The following CKAP2L variants were observed in gnomAD, a reference collection of about 807,000 sequenced individuals.
CKAP2L encodes the protein cytoskeleton associated protein 2L, also known as cytoskeleton-associated protein 2-like.
In CKAP2L, 42 loss-of-function variants were observed where a neutral mutation model predicts 65.7. The observed-to-expected ratio is 0.64, with a 90% CI of 0.50 to 0.83. The LOEUF is 0.83. Among genes scored for constraint, CKAP2L ranks in the 40% least tolerant of loss-of-function variants. The probability of loss-of-function intolerance (pLI) is 0.00; values close to 1 mark genes in which losing one functional copy is unlikely to be tolerated. For missense variants in CKAP2L, 908 were observed against 871.0 expected, an observed-to-expected ratio of 1.04 and a Z score of -0.53; for synonymous variants, 325 against 313.5, an observed-to-expected ratio of 1.04 and a Z score of -0.39.
intron 5 of CKAP2L, among the ~76,000 whole-genome samples, chr2:112,750,040 A>G (rs1176695484): frequency 2.0e-5 from 3 of 151,982 alleles, no homozygotes; most frequent in Admixed American, 2.0e-4. Flanking sequence ...CTTTTCCTCA[A>G]AATCTGAGCC....
rs1680536422 is a variant in CKAP2L, at chr2:112,756,400, G to A, written c.971C>T (p.Thr324Ile). ...TTTGGTGTGCTTCACTCTCTGTTCA[G>A]TAACAGGGTATGACCGTATCTTAGT... ...NETKIRSYPV[T>I]EQRVKHTKPR... The change falls in exon 4 of 9, where the codon ACT becomes ATT. Residue 324 changes from threonine (T) to isoleucine (I), a missense_variant. Transcript: ENST00000302450. The A allele has an allele frequency of 6.2e-7, 1 of 1,614,092 alleles. No homozygotes were observed. Among genetic ancestry groups the A allele is most frequent in the Non-Finnish European group, 8.5e-7 (1 of 1,179,988 alleles).
rs993407327 is a variant in CKAP2L, at chr2:112,736,492, T to C, written c.*2331A>G. 2.0e-5 allele frequency: 3 copies of C among 152,228 alleles called. No homozygotes were observed. Among genetic ancestry groups the C allele is most frequent in the Admixed American group, 6.5e-5 (1 of 15,272 alleles). The allele number at this position is 152,228 out of a possible 1,614,324, so 9.4% of individuals were successfully genotyped here. ...TTTTTTGTGATAATAGCAGCTAAAA[T>C]CTACTTATTTAACAAAAATCCCTAA... On this transcript the variant is annotated 3_prime_UTR_variant, in exon 9 of 9. Coordinates refer to ENST00000302450, the MANE Select transcript of CKAP2L (RefSeq NM_152515.5).
At chr2:112,741,750 TC>T (rs776913175) in intron 7 of CKAP2L, among the ~76,000 whole-genome samples, 16 of 152,122 alleles carry the variant, frequency 1.1e-4, no homozygotes, top group Non-Finnish European at 1.9e-4. Context: ...ACTTGATTGT[TC>T]CCCAGTTAAA....
chr2:112,763,709 C>T (rs1422622704), intron 1 of CKAP2L: 1 of 152,196 alleles, frequency 6.6e-6, no homozygotes. Flanking sequence ...CTCTTAACCT[C>T]ATCTGAACGG....
At chr2:112,761,229 G>A (rs1680711204) in intron 2 of CKAP2L, among the ~76,000 whole-genome samples, 1 of 152,020 alleles carries the variant, frequency 6.6e-6, no homozygotes, top group Admixed American at 6.5e-5. Flanking sequence ...GGGAGGCCAA[G>A]GCAGGCGGAT....
Position 112,740,884 on chromosome 2 carries a change from GGT to G in CKAP2L, c.1944_1945del (p.Arg650AsnfsTer8). ...ATGCTGTTCTGCCTTGGCTATTCGGGGTGTCGCCGTGACTTGTTCCCTCTCTT... is the reference window on the plus strand; with the variant it reads ...ATGCTGTTCTGCCTTGGCTATTCGGGGTCGCCGTGACTTGTTCCCTCTCTT... On this transcript the variant is annotated frameshift_variant, in exon 8 of 9. Coordinates refer to ENST00000302450, the MANE Select transcript of CKAP2L (RefSeq NM_152515.5). LOFTEE classifies it high-confidence loss of function. The G allele has an allele frequency of 6.2e-7, 1 of 1,613,604 alleles. No homozygotes were observed. The highest frequency in any genetic ancestry group is 8.5e-7 in the Non-Finnish European group (1 of 1,179,824).
chr2:112,764,594 A>C lies in CKAP2L; in HGVS notation c.5T>G (p.Val2Gly), dbSNP rs1300239261. 1 of 1,614,096 alleles carries C rather than the reference A, an allele frequency of 6.2e-7. No homozygotes were observed. The highest frequency in any genetic ancestry group is 2.2e-5 in the East Asian group (1 of 44,870). The stretch of plus-strand genomic sequence containing the variant: ...GGCAGCAGCGGTAGGCCCGGGCCCC[A>C]CCATGACTCTTCAGTGACAGTTTTT... Reference protein sequence around the residue: MVGPGPTAAAAV... With the variant: MGGPGPTAAAAV... The change falls in exon 1 of 9, where the codon GTG becomes GGG. Residue 2 changes from valine (V) to glycine (G), a missense_variant. By Grantham distance (109) the Val-to-Gly change is moderately radical (BLOSUM62 -3). Coordinates refer to ENST00000302450, the MANE Select transcript of CKAP2L (RefSeq NM_152515.5).
intron 4 of CKAP2L, among the ~76,000 whole-genome samples, chr2:112,753,526 CTTTTTTTTTT>C (rs59027525): frequency 1.0e-5 from 1 of 100,396 alleles, no homozygotes; most frequent in Non-Finnish European, 1.9e-5. Context: ...AGTTTCTTTT[CTTTTTTTTTT>C]TTTTTTTTTT....
intron 6 of CKAP2L, 47 bp from the exon 7 acceptor site, chr2:112,742,816 A>G: frequency 7.2e-7 from 1 of 1,398,504 alleles, no homozygotes; most frequent in South Asian, 1.3e-5. Context: ...ACATTCATGC[A>G]AAAAATTTGC....
intron 5 of CKAP2L, among the ~76,000 whole-genome samples, chr2:112,747,266 T>C (rs1680230962): frequency 6.6e-6 from 1 of 152,082 alleles, no homozygotes; most frequent in Non-Finnish European, 1.5e-5. Context: ...TCCTCATCAT[T>C]AAATTTTAAG....
intron 2 of CKAP2L, among the ~76,000 whole-genome samples, chr2:112,761,674 A>T (rs1680728131): frequency 6.6e-6 from 1 of 152,186 alleles, no homozygotes; most frequent in African/African-American, 2.4e-5. Flanking sequence ...CAATTGCTAG[A>T]CTAACAAGGA....
At chr2:112,762,416 G>T in intron 2 of CKAP2L, 87 bp downstream of exon 2, 1 of 1,002,818 alleles carries the variant, frequency 1.0e-6, no homozygotes, top group Non-Finnish European at 1.6e-6. Context: ...TAGACTCTAA[G>T]CAAAAGGGAC....
chr2:112,740,490 G>A (rs147752678), intron 8 of CKAP2L, among the ~76,000 whole-genome samples: 6 of 152,292 alleles, frequency 3.9e-5, no homozygotes, highest in African/African-American at 1.4e-4. Context: ...CGTTCTTAGA[G>A]GGGTATTCAC....
chr2:112,750,050 C>T (rs1680319333), intron 5 of CKAP2L, among the ~76,000 whole-genome samples: 1 of 152,116 alleles, frequency 6.6e-6, no homozygotes, highest in South Asian at 2.1e-4. Context: ...AAATCTGAGC[C>T]CCAGCCCTGC....
At chr2:112,757,524 G>A (rs1680584009) in intron 3 of CKAP2L, among the ~76,000 whole-genome samples, 1 of 151,638 alleles carries the variant, frequency 6.6e-6, no homozygotes, top group Non-Finnish European at 1.5e-5. Context: ...CAAGTGGCTG[G>A]ACTACAGGCG....
At chr2:112,745,449 G>C (rs1046240050) in intron 6 of CKAP2L, among the ~76,000 whole-genome samples, 94 of 150,372 alleles carry the variant, frequency 6.3e-4, no homozygotes, top group Admixed American at 5.6e-3. Flanking sequence ...GCCCGATCTC[G>C]GCTCACTGCA....
chr2:112,741,940 GTTT>G (rs57634251), intron 7 of CKAP2L, among the ~76,000 whole-genome samples: 942 of 71,898 alleles, frequency 0.013, 22 homozygotes, highest in African/African-American at 0.049. Flanking sequence ...TTTCTTTTCT[GTTT>G]TTTTTTTTTT....
intron 8 of CKAP2L, 51 bp from the exon 9 acceptor site, chr2:112,739,099 T>A (rs776642928): frequency 2.9e-6 from 4 of 1,372,548 alleles, no homozygotes; most frequent in African/African-American, 1.5e-5. Flanking sequence ...AAAAAAATTA[T>A]CTTTATTATT....
intron 7 of CKAP2L, 96 bp downstream of exon 7, chr2:112,742,610 C>T: frequency 2.3e-6 from 2 of 851,462 alleles, no homozygotes; most frequent in Admixed American, 2.2e-5. Flanking sequence ...AGAAGCATTT[C>T]AGGGGATGAT....
Sources: gnomAD v4.1 joint callset for allele counts (sites outside exome capture counted in the v4.1 genomes callset) on GRCh38, gnomAD v4.1.1 for gene constraint, MANE v1.5 for transcripts, NCBI Gene and HGNC (gene_info 2026-07-23, HGNC 2026-07-21) for gene names.